The following PSMD8 variants were observed in gnomAD, a reference collection of about 807,000 sequenced individuals.
PSMD8 encodes the protein proteasome 26S subunit, non-ATPase 8, also known as 26S proteasome non-ATPase regulatory subunit 8.
Under a neutral mutation model 40.0 loss-of-function variants are expected in PSMD8, and 30 were observed. That is an observed-to-expected ratio of 0.75 (90% CI 0.56 to 1.02). The LOEUF (loss-of-function observed/expected upper bound fraction) is 1.02. Among genes scored for constraint, PSMD8 ranks in the 50% least tolerant of loss-of-function variants. The pLI, the probability that PSMD8 is intolerant of heterozygous loss-of-function variation, is 0.00. For synonymous variants in PSMD8, 208 were observed against 192.5 expected (o/e 1.08, Z -0.67); for missense variants, 461 against 463.9 (o/e 0.99, Z 0.06).
intron 4 of PSMD8, among the ~76,000 whole-genome samples, 192 bp from the exon 5 acceptor site, chr19:38,380,707 A>AGTGTGT (rs35021765): frequency 7.6e-4 from 92 of 120,946 alleles, no homozygotes; most frequent in South Asian, 1.4e-3. Flanking sequence ...AGAGAGAGAG[A>AGTGTGT]GTGTGTGTGT....
Position 38,374,761 on chromosome 19 carries a change from T to G in PSMD8, c.160T>G (p.Ser54Ala), listed in dbSNP as rs1239338352. The G allele has an allele frequency of 5.8e-6, 9 of 1,563,190 alleles. No homozygotes were observed. Among genetic ancestry groups the G allele is most frequent in the African/African-American group, 1.4e-5 (1 of 73,842 alleles). Residue 54 changes from serine (S) to alanine (A), a missense_variant, in exon 1 of 7, where the codon TCA becomes GCA. Transcript: ENST00000215071. ...CGTTTGTAGGCGGCGCTGCCGTAAATCAGGCGGTCTGCTTGCCGCATCACG... is the reference window on the plus strand; with the variant it reads ...CGTTTGTAGGCGGCGCTGCCGTAAAGCAGGCGGTCTGCTTGCCGCATCACG... ...ASVCRRRCRK[S>A]GGLLAASRKM... is the part of the protein sequence containing the mutation.
intron 4 of PSMD8, 52 bp from the exon 5 acceptor site, chr19:38,380,847 C>G: frequency 7.0e-7 from 1 of 1,427,822 alleles, no homozygotes; most frequent in Non-Finnish European, 9.5e-7. Context: ...AGGTAGGCCC[C>G]TTTGCAGCCT....
At position 38,374,793 on chromosome 19, in the gene PSMD8, G is replaced by T; in HGVS notation, c.192G>T (p.Met64Ile). Reference sequence around the variant, plus strand: ...GTCTGCTTGCCGCATCACGCAAGATGGCGGCCGCGGCGGTGAACGGGGCGG... The same window carrying T: ...GTCTGCTTGCCGCATCACGCAAGATTGCGGCCGCGGCGGTGAACGGGGCGG... ...SGGLLAASRK[M>I]AAAAVNGAAG... Residue 64 changes from methionine to isoleucine, a missense_variant, in exon 1 of 7, where the codon ATG (methionine) becomes ATT (isoleucine). Around this residue, in one of 2 missense-constraint regions of PSMD8, gnomAD observed 225 missense variants for 142.7 expected, o/e 1.58. Coordinates refer to ENST00000215071, the MANE Select transcript of PSMD8 (RefSeq NM_002812.5). 6.4e-7 allele frequency: 1 copy of T among 1,570,798 alleles called. No individual in the cohort carries two copies. The highest frequency in any genetic ancestry group is 8.6e-7 in the Non-Finnish European group (1 of 1,164,178).
rs758497238 is a variant in PSMD8, at chr19:38,383,427, T to C, written c.*37T>C. The C allele has an allele frequency of 1.6e-5, 25 of 1,612,724 alleles. No homozygotes were observed. Among genetic ancestry groups the C allele is most frequent in the Middle Eastern group, 3.3e-4 (2 of 6,084 alleles). On this transcript the variant is annotated 3_prime_UTR_variant, in exon 7 of 7. Transcript: ENST00000215071. The stretch of plus-strand genomic sequence containing the variant: ...ACTGGGTGGGGCAGGGCACGAGTTA[T>C]TTAAAACAGTTACACTGCAGGGTTT...
chr19:38,383,418 C>T lies in PSMD8; in HGVS notation c.*28C>T, dbSNP rs1488287906. ...CCCCCGGGCACTGGGTGGGGCAGGG[C>T]ACGAGTTATTTAAAACAGTTACACT... On this transcript the variant is annotated 3_prime_UTR_variant, in exon 7 of 7. Coordinates refer to ENST00000215071, the MANE Select transcript of PSMD8 (RefSeq NM_002812.5). 46 of 1,613,540 alleles carry T rather than the reference C, an allele frequency of 2.9e-5. No individual in the cohort carries two copies. The highest frequency in any genetic ancestry group is 3.6e-5 in the Non-Finnish European group (43 of 1,179,690).
Position 38,374,852 on chromosome 19 carries a change from C to T in PSMD8, c.251C>T (p.Ser84Leu). 6.3e-7 allele frequency: 1 copy of T among 1,581,590 alleles called. No homozygotes were observed. Among genetic ancestry groups the T allele is most frequent in the Middle Eastern group, 1.7e-4 (1 of 5,986 alleles). ...GFSSSGPAAT[S>L]GAVLQAATGM... is the part of the protein sequence containing the mutation. ...TCGAGCTCCGGGCCCGCGGCAACCT[C>T]GGGCGCTGTTCTGCAGGCCGCGACC... is the stretch of plus-strand genomic sequence containing the variant. The change falls in exon 1 of 7, where the codon TCG becomes TTG. Residue 84 changes from serine to leucine, a missense_variant. Ser to Leu is a moderately radical substitution (Grantham distance 145, BLOSUM62 -2). Coordinates refer to ENST00000215071, the MANE Select transcript of PSMD8 (RefSeq NM_002812.5).
In PSMD8 at chr19:38,374,959, A is replaced by C. The variant is rs1400181655; in HGVS notation, c.358A>C (p.Lys120Gln). ...SKCGEELGRLKLVLLELNFLP... is the reference protein window; with the variant it reads ...SKCGEELGRLQLVLLELNFLP... ...GTGCGGGGAAGAGCTGGGTCGACTC[A>C]AGGTAAAGTCGGCAGGCCCAGGAAA... is the stretch of plus-strand genomic sequence containing the variant. The change falls in exon 1 of 7, where the codon AAG becomes CAG. Residue 120 changes from lysine to glutamine, a missense_variant and splice_region_variant. Physicochemically the swap from Lys to Gln is moderately conservative, Grantham distance 53. Transcript: ENST00000215071. 1 of 1,559,032 alleles carries C rather than the reference A, an allele frequency of 6.4e-7. No homozygotes were observed. The highest frequency in any genetic ancestry group is 1.4e-5 in the African/African-American group (1 of 73,758).
intron 3 of PSMD8, among the ~76,000 whole-genome samples, chr19:38,377,154 T>C (rs1970604775): frequency 6.6e-6 from 1 of 152,242 alleles, no homozygotes; most frequent in Admixed American, 6.5e-5. Context: ...TTTACCTCTC[T>C]CAGTTTCCCT....
At chr19:38,378,611 G>A (rs1452323528) in intron 3 of PSMD8, among the ~76,000 whole-genome samples, 1 of 151,422 alleles carries the variant, frequency 6.6e-6, no homozygotes, top group Non-Finnish European at 1.5e-5. Flanking sequence ...GGGAAGTTGA[G>A]GCTGCAGTGA....
intron 3 of PSMD8, 111 bp from the exon 4 acceptor site, chr19:38,379,129 A>T: frequency 9.0e-7 from 1 of 1,117,168 alleles, no homozygotes; most frequent in Non-Finnish European, 1.3e-6. Flanking sequence ...AGGACCTGAT[A>T]CCTCTTCAGG....
intron 1 of PSMD8, 198 bp downstream of exon 1, chr19:38,375,159 C>A: frequency 1.1e-6 from 1 of 925,638 alleles, no homozygotes; most frequent in Non-Finnish European, 1.6e-6. Flanking sequence ...GAGAGAGGGA[C>A]AGGGAGCGTT....
At position 38,375,506 on chromosome 19, in the gene PSMD8, A is replaced by G; in HGVS notation, c.360+545A>G. The G allele has an allele frequency of 1.7e-5, 3 of 178,888 alleles. 1 individual carries two copies. In the South Asian group the frequency reaches 2.9e-4, roughly 17 times the overall value. 11.1% of individuals were successfully genotyped at this position (178,888 alleles called of 1,614,324 possible). A position where few individuals can be genotyped will look rare whatever the true frequency, so the allele number is the denominator to read the frequency against. On this transcript the variant is annotated intron_variant, in intron 1 of 6. Transcript: ENST00000215071. ...CGGAGTGATAAAAGAATGAGGCTGA[A>G]AAGGTGGGCTGTGTAGAGGGTGTGT... is the stretch of plus-strand genomic sequence containing the variant.
intron 4 of PSMD8, among the ~76,000 whole-genome samples, 178 bp from the exon 5 acceptor site, chr19:38,380,707 AGTGTGTGTGTGTGT>A (rs35021765): frequency 2.5e-5 from 3 of 120,884 alleles, no homozygotes; most frequent in African/African-American, 1.0e-4. Flanking sequence ...AGAGAGAGAG[AGTGTGTGTGTGTGT>A]GTGTGTGTGC....
At position 38,377,769 on chromosome 19, in the gene PSMD8, A is replaced by G. The variant is rs140027824; in HGVS notation, c.536+1315A>G. On this transcript the variant is annotated intron_variant, in intron 3 of 6. Coordinates refer to ENST00000215071, the MANE Select transcript of PSMD8 (RefSeq NM_002812.5). Reference sequence around the variant, plus strand: ...CTCAGCCTCCCTCAGCCTCCTGAGTAGCTGGTATTACAGGTGCCCACGACC... The same window carrying G: ...CTCAGCCTCCCTCAGCCTCCTGAGTGGCTGGTATTACAGGTGCCCACGACC... Among the ~76,000 whole-genome samples, 1,308 of 152,128 alleles carry G rather than the reference A, an allele frequency of 8.6e-3. 21 individuals are homozygous for G. The highest frequency in any genetic ancestry group is 0.029 in the African/African-American group (1,221 of 41,516).
intron 4 of PSMD8, among the ~76,000 whole-genome samples, chr19:38,380,511 A>G (rs1281865515): frequency 6.6e-6 from 1 of 151,928 alleles, no homozygotes; most frequent in Non-Finnish European, 1.5e-5. Context: ...AGAGGATGGG[A>G]GAGAGGGCAG....
chr19:38,380,361 G>C (rs1259589013), intron 4 of PSMD8, among the ~76,000 whole-genome samples: 3 of 152,214 alleles, frequency 2.0e-5, no homozygotes, highest in Non-Finnish European at 2.9e-5. Flanking sequence ...AGGCAGTACT[G>C]TGTCTGCTGT....
intron 5 of PSMD8, chr19:38,381,241 C>T (rs1432169766): frequency 2.3e-6 from 1 of 440,366 alleles, no homozygotes; most frequent in Admixed American, 4.1e-5. Context: ...CAAACCTGAG[C>T]ATGGAATTGG....
chr19:38,375,032 C>A (rs1970586533), intron 1 of PSMD8, 71 bp downstream of exon 1: 1 of 1,520,306 alleles, frequency 6.6e-7, no homozygotes, highest in Non-Finnish European at 8.8e-7. Flanking sequence ...TGGACCCAAC[C>A]AAGTCCCGGG....
In PSMD8 at chr19:38,383,594, G is replaced by A. The variant is rs978685428; in HGVS notation, c.*204G>A. On this transcript the variant is annotated 3_prime_UTR_variant, in exon 7 of 7. Coordinates refer to ENST00000215071, the MANE Select transcript of PSMD8 (RefSeq NM_002812.5). Reference sequence around the variant, plus strand: ...TTGGAGATAGCCTCCAACTGGGTCAGCCTCTGTCTGGTGGGCATTGCTCAG... The same window carrying A: ...TTGGAGATAGCCTCCAACTGGGTCAACCTCTGTCTGGTGGGCATTGCTCAG... 1 of 679,878 alleles carries A rather than the reference G, an allele frequency of 1.5e-6. No individual in the cohort carries two copies. The allele number at this position is 679,878 out of a possible 1,614,324, so 42.1% of individuals were successfully genotyped here. A position where few individuals can be genotyped will look rare whatever the true frequency, so the allele number is the denominator to read the frequency against.
Sources: allele counts gnomAD v4.1 joint callset (sites outside exome capture counted in the v4.1 genomes callset), GRCh38; gene constraint gnomAD v4.1.1; regional missense constraint gnomAD v4.1.1; transcripts MANE v1.5; gene names NCBI Gene and HGNC (gene_info 2026-07-23, HGNC 2026-07-21).